SPHKAP: variants seen among roughly 807,000 people sequenced by gnomAD.
SPHKAP encodes the protein A-kinase anchor protein SPHKAP.
Under a neutral mutation model 137.5 loss-of-function variants are expected in SPHKAP, and 67 were observed. The ratio of observed to expected loss-of-function variants is 0.49; its 90% confidence interval spans 0.40 to 0.60. The LOEUF (loss-of-function observed/expected upper bound fraction) is 0.60. SPHKAP is among the 20% of genes least tolerant of loss of function. SPHKAP has a pLI of 0.00. For missense variants in SPHKAP, 2,097 were observed against 2,069.3 expected (o/e 1.01, Z -0.26); for synonymous variants, 813 against 785.3 (o/e 1.04, Z -0.59).
intron 2 of SPHKAP, among the ~76,000 whole-genome samples, chr2:228,121,052 A>G (rs1262332642): frequency 6.6e-6 from 1 of 152,200 alleles, no homozygotes. Context: ...CATGTAGGAA[A>G]ATATATGAAG....
intron 3 of SPHKAP, among the ~76,000 whole-genome samples, chr2:228,058,821 A>ATG (rs1696538132): frequency 6.6e-6 from 1 of 152,244 alleles, no homozygotes; most frequent in East Asian, 1.9e-4. Flanking sequence ...TACATGTAGC[A>ATG]TAGCTCACCT....
intron 3 of SPHKAP, among the ~76,000 whole-genome samples, chr2:228,091,887 C>T: frequency 6.6e-6 from 1 of 152,058 alleles, no homozygotes; most frequent in Middle Eastern, 3.4e-3. Flanking sequence ...AAAAGTAGAA[C>T]TACCATTTGA....
chr2:227,989,940 CAG>C (rs1693355113), intron 11 of SPHKAP, among the ~76,000 whole-genome samples: 1 of 152,064 alleles, frequency 6.6e-6, no homozygotes, highest in Non-Finnish European at 1.5e-5. Context: ...TCTTTAAAGA[CAG>C]AGCTTTTTCT....
chr2:228,027,415 T>A, intron 4 of SPHKAP, 69 bp downstream of exon 4: 1 of 1,495,040 alleles, frequency 6.7e-7, no homozygotes, highest in South Asian at 1.2e-5. Context: ...ATGAGCATTA[T>A]TTACAGATGA....
chr2:228,069,754 C>A (rs966086924), intron 3 of SPHKAP, among the ~76,000 whole-genome samples: 2 of 152,100 alleles, frequency 1.3e-5, no homozygotes, highest in East Asian at 3.8e-4. Context: ...GCCTGAGGAA[C>A]CAAGCTTGGA....
chr2:228,101,643 T>C (rs184749535), intron 3 of SPHKAP, among the ~76,000 whole-genome samples: 30 of 152,352 alleles, frequency 2.0e-4, no homozygotes, highest in African/African-American at 6.3e-4. Flanking sequence ...TTATTATCTC[T>C]ATTTTGCAGA....
intron 3 of SPHKAP, among the ~76,000 whole-genome samples, chr2:228,108,534 G>A (rs537616967): frequency 6.6e-6 from 1 of 152,132 alleles, no homozygotes; most frequent in Non-Finnish European, 1.5e-5. Flanking sequence ...GTTGTTGAAT[G>A]GCTTTCTACT....
At chr2:228,163,603 C>G (rs1256829617) in intron 1 of SPHKAP, among the ~76,000 whole-genome samples, 1 of 152,136 alleles carries the variant, frequency 6.6e-6, no homozygotes, top group Non-Finnish European at 1.5e-5. Context: ...CACAGGTCAA[C>G]ATGGGTGTTT....
At chr2:228,174,311 T>C (rs1334419205) in intron 1 of SPHKAP, among the ~76,000 whole-genome samples, 1 of 152,150 alleles carries the variant, frequency 6.6e-6, no homozygotes, top group Non-Finnish European at 1.5e-5. Flanking sequence ...ACCTTTTTTT[T>C]TTTTCTCATA....
At chr2:228,072,039 C>G (rs1259439431) in intron 3 of SPHKAP, among the ~76,000 whole-genome samples, 1 of 152,114 alleles carries the variant, frequency 6.6e-6, no homozygotes, top group African/African-American at 2.4e-5. Flanking sequence ...TGTGGGTGGG[C>G]ATTATCTAAT....
intron 3 of SPHKAP, among the ~76,000 whole-genome samples, chr2:228,073,661 A>T (rs1222948556): frequency 6.6e-6 from 1 of 152,170 alleles, no homozygotes; most frequent in Non-Finnish European, 1.5e-5. Context: ...TTCCGAATTA[A>T]ATCAACACAT....
rs1553536389 is a variant in SPHKAP at position 228,063,194 on chromosome 2, G to GTCTGTCTGTCTA, written c.247-35652_247-35651insTAGACAGACAGA. Among the ~76,000 whole-genome samples, 128 of 146,378 alleles carry GTCTGTCTGTCTA rather than the reference G, an allele frequency of 8.7e-4. 4 individuals are homozygous for GTCTGTCTGTCTA. Among genetic ancestry groups the GTCTGTCTGTCTA allele is most frequent in the Admixed American group, 2.7e-4 (4 of 14,694 alleles). On this transcript the variant is annotated intron_variant, in intron 3 of 11. Transcript: ENST00000392056. ...TATCTATCTGTCTGTCTGTCTGTCT[G>GTCTGTCTGTCTA]TCTATCTATCTATCTATTTACCTGT...
chr2:228,049,451 G>A (rs2106270601), intron 3 of SPHKAP, among the ~76,000 whole-genome samples: 1 of 152,294 alleles, frequency 6.6e-6, no homozygotes, highest in East Asian at 1.9e-4. Flanking sequence ...GTGAGACATT[G>A]CTGCATTATA....
intron 3 of SPHKAP, among the ~76,000 whole-genome samples, chr2:228,097,601 C>A (rs1698026120): frequency 6.6e-6 from 1 of 152,050 alleles, no homozygotes; most frequent in South Asian, 2.1e-4. Context: ...AGAATAATCC[C>A]ATGACCCAGG....
intron 7 of SPHKAP, among the ~76,000 whole-genome samples, chr2:228,005,031 T>C (rs913081393): frequency 6.6e-6 from 1 of 152,240 alleles, no homozygotes; most frequent in African/African-American, 2.4e-5. Flanking sequence ...GTATATTCTG[T>C]TGATTTGGGG....
At chr2:228,042,283 C>T (rs1695882389) in intron 3 of SPHKAP, among the ~76,000 whole-genome samples, 1 of 152,126 alleles carries the variant, frequency 6.6e-6, no homozygotes, top group South Asian at 2.1e-4. Flanking sequence ...CTCTGAACCA[C>T]AACTATTTAA....
intron 2 of SPHKAP, among the ~76,000 whole-genome samples, chr2:228,126,960 C>A (rs1007228284): frequency 6.6e-6 from 1 of 152,168 alleles, no homozygotes; most frequent in Admixed American, 6.5e-5. Context: ...CCAACTAATG[C>A]ATTGTCTTGA....
At chr2:228,096,542 G>A (rs13432802) in intron 3 of SPHKAP, among the ~76,000 whole-genome samples, 47,542 of 151,644 alleles carry the variant, frequency 0.31, 7,700 homozygotes, top group Admixed American at 0.4. Context: ...CATCCCACGA[G>A]TACTCTATTT....
chr2:228,176,608 C>T (rs1439536514), intron 1 of SPHKAP, among the ~76,000 whole-genome samples: 1 of 152,356 alleles, frequency 6.6e-6, no homozygotes, highest in East Asian at 1.9e-4. Flanking sequence ...GGGCACGTGG[C>T]TCACGCCTGT....
Sources: allele counts gnomAD v4.1 joint callset (sites outside exome capture counted in the v4.1 genomes callset), GRCh38; gene constraint gnomAD v4.1.1; transcripts MANE v1.5; gene names NCBI Gene and HGNC (gene_info 2026-07-23, HGNC 2026-07-21).